Variants in NXPE2 observed in about 807,000 individuals in gnomAD.
NXPE2 encodes neurexophilin and PC-esterase domain family member 2.
In NXPE2, 34 loss-of-function variants were observed where a neutral mutation model predicts 34.4. That is an observed-to-expected ratio of 0.99 (90% CI 0.75 to 1.31). The LOEUF is 1.31. Ranked by LOEUF, NXPE2 falls within the 40% of genes most tolerant of loss-of-function variation. The pLI, the probability that NXPE2 is intolerant of heterozygous loss-of-function variation, is 0.00. For synonymous variants in NXPE2, 235 were observed against 231.3 expected, an observed-to-expected ratio of 1.02 and a Z score of -0.15; for missense variants, 649 against 672.5, an observed-to-expected ratio of 0.97 and a Z score of 0.39.
At chr11:114,727,422 C>G in the NXPE2 span, among the ~76,000 whole-genome samples, 10 of 152,138 alleles carry the variant, frequency 6.6e-5, no homozygotes, top group East Asian at 1.7e-3. Context: ...GTCTGAAAAG[C>G]CTCACTTCCT....
chr11:114,473,037 T>C, the NXPE2 span, among the ~76,000 whole-genome samples: 4 of 152,202 alleles, frequency 2.6e-5, no homozygotes, highest in Non-Finnish European at 4.4e-5. Flanking sequence ...TTACTATAAC[T>C]GAATAATAAC....
At chr11:114,610,168 C>T in the NXPE2 span, among the ~76,000 whole-genome samples, 1 of 151,810 alleles carries the variant, frequency 6.6e-6, no homozygotes, top group African/African-American at 2.4e-5. Flanking sequence ...CCACTGTTAC[C>T]TGGTGGATAA....
the NXPE2 span, among the ~76,000 whole-genome samples, chr11:114,719,068 C>T: frequency 1.3e-3 from 199 of 152,306 alleles, 1 homozygote; most frequent in African/African-American, 4.4e-3. Context: ...CAGCTTCTCT[C>T]CTCCACTGTA....
chr11:114,683,143 A>AT (rs1170820966), intron 2 of NXPE2, among the ~76,000 whole-genome samples: 1 of 152,092 alleles, frequency 6.6e-6, no homozygotes, highest in Non-Finnish European at 1.5e-5. Flanking sequence ...ACTAGATCTT[A>AT]TAAAAGTTTT....
chr11:114,753,899 T>A, the NXPE2 span, among the ~76,000 whole-genome samples: 1 of 152,228 alleles, frequency 6.6e-6, no homozygotes, highest in Non-Finnish European at 1.5e-5. Context: ...TTTTGGAATA[T>A]CATACTTAAT....
the NXPE2 span, among the ~76,000 whole-genome samples, chr11:114,743,883 G>A: frequency 6.7e-6 from 1 of 149,454 alleles, no homozygotes; most frequent in African/African-American, 2.4e-5. Flanking sequence ...ATGTGTACAT[G>A]TGTATATATA....
the NXPE2 span, among the ~76,000 whole-genome samples, chr11:114,719,782 G>A: frequency 6.6e-6 from 1 of 152,234 alleles, no homozygotes; most frequent in Non-Finnish European, 1.5e-5. Context: ...GCCTTGAGAG[G>A]TGAGTGGGCC....
the NXPE2 span, among the ~76,000 whole-genome samples, chr11:114,510,411 T>C: frequency 1.3e-5 from 2 of 152,136 alleles, no homozygotes; most frequent in Non-Finnish European, 2.9e-5. Context: ...TTTTTAATTT[T>C]TTTTCATAGA....
At chr11:114,812,658 G>A in the NXPE2 span, among the ~76,000 whole-genome samples, 4 of 152,140 alleles carry the variant, frequency 2.6e-5, no homozygotes, top group Non-Finnish European at 2.9e-5. Context: ...ACCCTTGAGA[G>A]AATCACCTTT....
At chr11:114,745,611 C>T in the NXPE2 span, among the ~76,000 whole-genome samples, 1 of 151,974 alleles carries the variant, frequency 6.6e-6, no homozygotes, top group Non-Finnish European at 1.5e-5. Context: ...AAATGTAATT[C>T]CAGGTAAGCT....
chr11:114,765,280 T>C, the NXPE2 span, among the ~76,000 whole-genome samples: 1 of 152,356 alleles, frequency 6.6e-6, no homozygotes, highest in South Asian at 2.1e-4. Flanking sequence ...TTCACTTCAT[T>C]GCACTTTGCA....
chr11:114,609,665 C>T, the NXPE2 span, among the ~76,000 whole-genome samples: 5 of 150,732 alleles, frequency 3.3e-5, no homozygotes, highest in African/African-American at 1.2e-4. Context: ...ACGACTATTA[C>T]CCAGTGGATA....
At chr11:114,473,503 A>T in the NXPE2 span, among the ~76,000 whole-genome samples, 73,010 of 152,018 alleles carry the variant, frequency 0.48, 18,104 homozygotes, top group African/African-American at 0.59. Context: ...CTGTGAGTTT[A>T]TAAAAAACAA....
the NXPE2 span, among the ~76,000 whole-genome samples, chr11:114,775,690 A>AT: frequency 6.6e-6 from 1 of 152,032 alleles, no homozygotes; most frequent in Non-Finnish European, 1.5e-5. Context: ...CCCCTCTTTA[A>AT]TTTATACAGA....
At chr11:114,764,550 G>A in the NXPE2 span, among the ~76,000 whole-genome samples, 1 of 152,140 alleles carries the variant, frequency 6.6e-6, no homozygotes. Flanking sequence ...GAGTCTATAG[G>A]TGGTCATTAC....
chr11:114,582,772 G>C, the NXPE2 span: 1 of 1,614,182 alleles, frequency 6.2e-7, no homozygotes, highest in East Asian at 2.2e-5. Context: ...ATGTGCAGCT[G>C]GTCTCCCCTG....
At position 114,706,541 on chromosome 11, in the gene NXPE2, A is replaced by G; in HGVS notation, c.1291A>G (p.Ile431Val). 2.6e-6 allele frequency: 4 copies of G among 1,551,898 alleles called. No homozygotes were observed. The highest frequency in any genetic ancestry group is 3.5e-6 in the Non-Finnish European group (4 of 1,147,006). ...ATTCTCAGTGAAAGATGAAAACTATATCCCACGGGAAATTGACCAGGTAGC... is the reference window on the plus strand; with the variant it reads ...ATTCTCAGTGAAAGATGAAAACTATGTCCCACGGGAAATTGACCAGGTAGC... ...KLFSVKDENY[I>V]PREIDQVAGD... Residue 431 changes from isoleucine (I) to valine (V), a missense_variant, in exon 6 of 6, where the codon ATC becomes GTC. Physicochemically the swap from Ile to Val is conservative, Grantham distance 29 (BLOSUM62 3). Transcript: ENST00000389586.
At chr11:114,710,429 GAAAT>G (rs1859591310), downstream of NXPE2, among the ~76,000 whole-genome samples, 1 of 152,096 alleles carries the variant, frequency 6.6e-6, no homozygotes, top group South Asian at 2.1e-4. Context: ...GGATGTCACA[GAAAT>G]AAAAATGATT....
the NXPE2 span, among the ~76,000 whole-genome samples, chr11:114,567,727 C>CTT: frequency 6.6e-6 from 1 of 151,832 alleles, no homozygotes; most frequent in Non-Finnish European, 1.5e-5. Context: ...TTAGAATATA[C>CTT]TTTTTATTTT....
Sources: gnomAD v4.1 joint callset for allele counts (sites outside exome capture counted in the v4.1 genomes callset) on GRCh38, gnomAD v4.1.1 for gene constraint, MANE v1.5 for transcripts, NCBI Gene and HGNC (gene_info 2026-07-23, HGNC 2026-07-21) for gene names.